Variants in LRP1B observed in about 807,000 individuals in gnomAD.
The protein encoded by LRP1B is low-density lipoprotein receptor-related protein 1B.
Under a neutral mutation model 556.6 loss-of-function variants are expected in LRP1B, and 217 were observed. The ratio of observed to expected loss-of-function variants is 0.39; its 90% CI spans 0.35 to 0.44. The LOEUF (loss-of-function observed/expected upper bound fraction) is 0.44. LRP1B is among the 20% of genes least tolerant of loss of function. The pLI is 1.00. For missense variants in LRP1B, 5,053 were observed against 5,620.8 expected, an observed-to-expected ratio of 0.90 and a Z score of 3.23; for synonymous variants, 2,047 against 1,865.8, an observed-to-expected ratio of 1.10 and a Z score of -2.50.
chr2:142,001,772 A>G (rs916963268), intron 1 of LRP1B, among the ~76,000 whole-genome samples: 1 of 152,192 alleles, frequency 6.6e-6, no homozygotes, highest in South Asian at 2.1e-4. Flanking sequence ...ATTTCATACC[A>G]ACTTCAGATG....
chr2:141,920,549 T>TGG (rs1483661883), intron 1 of LRP1B, among the ~76,000 whole-genome samples: 5 of 151,982 alleles, frequency 3.3e-5, no homozygotes, highest in Non-Finnish European at 5.9e-5. Context: ...TTATTATCAC[T>TGG]GGTAATTGGC....
At chr2:141,039,906 T>C (rs995563859) in intron 11 of LRP1B, among the ~76,000 whole-genome samples, 1 of 152,116 alleles carries the variant, frequency 6.6e-6, no homozygotes, top group Non-Finnish European at 1.5e-5. Flanking sequence ...ATGAGAAATA[T>C]ATATTTACAG....
intron 43 of LRP1B, among the ~76,000 whole-genome samples, chr2:140,589,515 T>C (rs900748548): frequency 1.3e-4 from 20 of 152,186 alleles, no homozygotes; most frequent in Non-Finnish European, 1.3e-4. Flanking sequence ...GAAAGCTTCA[T>C]TCACAATAGC....
At chr2:141,470,597 A>G (rs1238946156) in intron 3 of LRP1B, among the ~76,000 whole-genome samples, 2 of 152,186 alleles carry the variant, frequency 1.3e-5, no homozygotes, top group Non-Finnish European at 2.9e-5. Flanking sequence ...AGGAAAACTC[A>G]AGGTCACAGG....
At chr2:141,092,530 G>A (rs1700194984) in intron 7 of LRP1B, among the ~76,000 whole-genome samples, 1 of 152,196 alleles carries the variant, frequency 6.6e-6, no homozygotes, top group Admixed American at 6.5e-5. Context: ...ACCTATAGCT[G>A]TTATTTAAAG....
chr2:141,280,903 G>C (rs1685485525), intron 3 of LRP1B, among the ~76,000 whole-genome samples: 1 of 151,810 alleles, frequency 6.6e-6, no homozygotes, highest in Non-Finnish European at 1.5e-5. Flanking sequence ...TTGTATTCAG[G>C]CCTTAAAATG....
At position 140,325,742 on chromosome 2, in the gene LRP1B, GACAAAAGCACTTC is replaced by G; in HGVS notation, c.12340+7_12340+19del. The G allele has an allele frequency of 6.7e-7, 1 of 1,499,332 alleles. No homozygotes were observed. The highest frequency in any genetic ancestry group is 9.2e-7 in the Non-Finnish European group (1 of 1,082,708). 92.9% of individuals were successfully genotyped at this position (1,499,332 alleles called of 1,614,324 possible). ...ACTCTCAGTAACAATTAAAAATGAA[GACAAAAGCACTTC>G]ACAAACCTTGTTTGCTGCTGACAGA... On this transcript the variant is annotated splice_region_variant and intron_variant, in intron 80 of 90. Coordinates refer to ENST00000389484, the MANE Select transcript of LRP1B (RefSeq NM_018557.3).
At chr2:140,573,076 T>C (rs1681390218) in intron 43 of LRP1B, among the ~76,000 whole-genome samples, 1 of 151,784 alleles carries the variant, frequency 6.6e-6, no homozygotes. Context: ...TCTAGTGTTC[T>C]ATAGCACTGT....
intron 1 of LRP1B, among the ~76,000 whole-genome samples, chr2:141,938,758 ATGTGTG>A (rs70994468): frequency 6.6e-6 from 1 of 151,462 alleles, no homozygotes; most frequent in African/African-American, 2.4e-5. Flanking sequence ...CTCTCCATAT[ATGTGTG>A]TGTGTGTGTA....
At chr2:141,351,249 A>T (rs1211855072) in intron 3 of LRP1B, among the ~76,000 whole-genome samples, 2 of 152,096 alleles carry the variant, frequency 1.3e-5, no homozygotes, top group Non-Finnish European at 2.9e-5. Context: ...TTAAGAAGTC[A>T]CTGAGTATTT....
At chr2:141,745,693 G>A (rs1292048437) in intron 2 of LRP1B, among the ~76,000 whole-genome samples, 4 of 151,844 alleles carry the variant, frequency 2.6e-5, no homozygotes, top group Non-Finnish European at 5.9e-5. Flanking sequence ...TAATTTAGTA[G>A]CTAAGGTACA....
intron 53 of LRP1B, among the ~76,000 whole-genome samples, chr2:140,506,228 T>C (rs1257248060): frequency 1.3e-5 from 2 of 152,064 alleles, no homozygotes; most frequent in Non-Finnish European, 2.9e-5. Context: ...CATTTTTAAT[T>C]TTAATTTTAA....
chr2:140,470,245 G>A (rs1321061605), intron 60 of LRP1B, among the ~76,000 whole-genome samples: 1 of 152,124 alleles, frequency 6.6e-6, no homozygotes, highest in Non-Finnish European at 1.5e-5. Flanking sequence ...TGTTTTGGCA[G>A]TTTGATATTT....
At chr2:140,686,797 G>T (rs1686067389) in intron 41 of LRP1B, among the ~76,000 whole-genome samples, 1 of 151,908 alleles carries the variant, frequency 6.6e-6, no homozygotes, top group Admixed American at 6.6e-5. Flanking sequence ...TCCATCGATA[G>T]GAAGGAAGTT....
chr2:140,553,415 T>G (rs1680616774), intron 43 of LRP1B, among the ~76,000 whole-genome samples: 1 of 117,678 alleles, frequency 8.5e-6, no homozygotes, highest in African/African-American at 3.1e-5. Context: ...GTGTCTATTG[T>G]GCTCTTAACA....
chr2:140,547,295 G>C (rs776280991), intron 43 of LRP1B, among the ~76,000 whole-genome samples: 1 of 151,692 alleles, frequency 6.6e-6, no homozygotes, highest in African/African-American at 2.4e-5. Flanking sequence ...GGTTTTTTTT[G>C]GTTGGTGGGC....
chr2:141,323,518 G>A (rs961041001), intron 3 of LRP1B, among the ~76,000 whole-genome samples: 1 of 151,716 alleles, frequency 6.6e-6, no homozygotes, highest in African/African-American at 2.4e-5. Context: ...TCATTTAAAT[G>A]CTCCCTAAAC....
At chr2:141,080,981 C>T (rs1699907962) in intron 7 of LRP1B, among the ~76,000 whole-genome samples, 1 of 152,142 alleles carries the variant, frequency 6.6e-6, no homozygotes, top group Non-Finnish European at 1.5e-5. Flanking sequence ...CACAGGCACA[C>T]ACCATCATGC....
chr2:141,760,780 G>A (rs1375567049), intron 2 of LRP1B, among the ~76,000 whole-genome samples: 1 of 152,196 alleles, frequency 6.6e-6, no homozygotes, highest in African/African-American at 2.4e-5. Context: ...GCACAAAACT[G>A]TGAAGATTCT....
Sources: gnomAD v4.1 joint callset for allele counts (sites outside exome capture counted in the v4.1 genomes callset) on GRCh38, gnomAD v4.1.1 for gene constraint, MANE v1.5 for transcripts, NCBI Gene and HGNC (gene_info 2026-07-23, HGNC 2026-07-21) for gene names.